The following ZNF140 variants were observed in gnomAD, a reference collection of about 807,000 sequenced individuals.
ZNF140 encodes zinc finger protein 140.
Under a neutral mutation model 12.9 loss-of-function variants are expected in ZNF140, and 13 were observed. The observed-to-expected ratio is 1.01, with a 90% CI of 0.66 to 1.60. ZNF140 has a LOEUF of 1.60. Among genes scored for constraint, ZNF140 ranks in the 40% most tolerant of loss-of-function variants. The probability of loss-of-function intolerance (pLI) is 0.00; values close to 1 mark genes in which losing one functional copy is unlikely to be tolerated. For missense variants in ZNF140, 531 were observed against 548.8 expected (o/e 0.97, Z 0.32); for synonymous variants, 214 against 186.7 (o/e 1.15, Z -1.19).
chr12:133,083,105 G>A lies in ZNF140; in HGVS notation c.12G>A (p.Gly4=). Residue 4 remains glycine, a splice_region_variant and synonymous_variant, in exon 3 of 5, where the codon GGG becomes GGA. Transcript: ENST00000355557. ...CAAATATCTGTCCGTCATTTCAGGG[G>A]TCAGTGACATTCAGAGATGTGGCCA... MSQ[G]SVTFRDVAID... The A allele has an allele frequency of 6.2e-7, 1 of 1,614,200 alleles. No individual in the cohort carries two copies. Among genetic ancestry groups the A allele is most frequent in the Non-Finnish European group, 8.5e-7 (1 of 1,180,036 alleles).
chr12:133,090,752 T>C (rs931354068), intron 4 of ZNF140, among the ~76,000 whole-genome samples: 19 of 146,416 alleles, frequency 1.3e-4, no homozygotes, highest in Middle Eastern at 3.4e-3. Context: ...AGGAATGTAG[T>C]AGGAGAGCAG....
rs1954493991 is a variant in ZNF140 at position 133,081,376 on chromosome 12, TTTA to T, written c.9+50_9+52del. 2.6e-5 allele frequency: 7 copies of T among 266,300 alleles called. 1 individual carries two copies. The South Asian group carries it at 4.3e-4, about 16-fold the overall frequency. The allele number at this position is 266,300 out of a possible 1,614,324, so 16.5% of individuals were successfully genotyped here. On this transcript the variant is annotated intron_variant, in intron 2 of 4. Coordinates refer to ENST00000355557, the MANE Select transcript of ZNF140 (RefSeq NM_003440.4). ...ATATATATATATATATATATAAATT[TTTA>T]TTTTTTTTTTAAGAGAGAGACAGGG...
At chr12:133,091,244 A>C (rs1415183283) in intron 4 of ZNF140, among the ~76,000 whole-genome samples, 2 of 148,658 alleles carry the variant, frequency 1.3e-5, no homozygotes, top group Non-Finnish European at 3.0e-5. Context: ...TCTGCAGTGC[A>C]CTGTGCCCTG....
rs1458484374 is a variant in ZNF140, at chr12:133,106,880, T to C, written c.*229T>C. ...TTGCAATAACAAGGTGAAATCAATA[T>C]TGTTGAGAAGATTCTTCCATCTGGT... On this transcript the variant is annotated 3_prime_UTR_variant, in exon 5 of 5. Transcript: ENST00000355557. 2.7e-6 allele frequency: 1 copy of C among 371,448 alleles called. No homozygotes were observed. Among genetic ancestry groups the C allele is most frequent in the Non-Finnish European group, 4.8e-6 (1 of 207,042 alleles). 23.0% of individuals were successfully genotyped at this position (371,448 alleles called of 1,614,324 possible).
chr12:133,081,401 A>C (rs1954497355), intron 2 of ZNF140, 72 bp downstream of exon 2: 1 of 202,888 alleles, frequency 4.9e-6, no homozygotes, highest in Non-Finnish European at 8.9e-6. Context: ...AGAGAGAGAC[A>C]GGGTCTCCTC....
chr12:133,104,369 T>G (rs1267315085), intron 4 of ZNF140, among the ~76,000 whole-genome samples: 6 of 151,728 alleles, frequency 4.0e-5, no homozygotes, highest in Non-Finnish European at 8.8e-5. Context: ...TTTTTTTTTT[T>G]GAGACAGACT....
intron 4 of ZNF140, among the ~76,000 whole-genome samples, chr12:133,085,094 A>AGCTTACT (rs749654829): frequency 9.6e-4 from 146 of 151,454 alleles, no homozygotes; most frequent in Non-Finnish European, 1.6e-3. Flanking sequence ...GCGCGATCTC[A>AGCTTACT]GCTTACTGCA....
Position 133,081,030 on chromosome 12 carries a change from C to T in ZNF140, c.-91C>T, listed in dbSNP as rs1376745096. 5 of 195,154 alleles carry T rather than the reference C, an allele frequency of 2.6e-5. No individual in the cohort carries two copies. The highest frequency in any genetic ancestry group is 7.5e-5 in the South Asian group (1 of 13,266). The allele number at this position is 195,154 out of a possible 1,614,324, so 12.1% of individuals were successfully genotyped here. A position where few individuals can be genotyped will look rare whatever the true frequency, so the allele number is the denominator to read the frequency against. ...GCCCTGGAACGCTACGCCCACCTGGCGGAAAGCACCACGGAAACGCATCCT... is the reference window on the plus strand; with the variant it reads ...GCCCTGGAACGCTACGCCCACCTGGTGGAAAGCACCACGGAAACGCATCCT... On this transcript the variant is annotated 5_prime_UTR_variant, in exon 1 of 5. Transcript: ENST00000355557.
At chr12:133,091,880 T>C (rs1413572248) in intron 4 of ZNF140, among the ~76,000 whole-genome samples, 3 of 151,124 alleles carry the variant, frequency 2.0e-5, no homozygotes, top group Admixed American at 6.6e-5. Flanking sequence ...CGTTTAACCA[T>C]GTCCCAGTGA....
intron 4 of ZNF140, 28 bp downstream of exon 4, chr12:133,083,589 A>AT (rs1195114700): frequency 6.3e-7 from 1 of 1,589,662 alleles, no homozygotes; most frequent in East Asian, 2.2e-5. Context: ...TGATGGGGAA[A>AT]TTTTTTAAAA....
At chr12:133,097,850 T>TGTGTGTGTGTGTGTGTG (rs1491441408) in intron 4 of ZNF140, among the ~76,000 whole-genome samples, 38 of 150,236 alleles carry the variant, frequency 2.5e-4, no homozygotes, top group Non-Finnish European at 3.4e-4. Context: ...TGTGTGTGTG[T>TGTGTGTGTGTGTGTGTG]TTTTGAGATG....
At chr12:133,080,508 T>A (rs1172114617), upstream of ZNF140, 2 of 152,314 alleles carry the variant, frequency 1.3e-5, no homozygotes, top group African/African-American at 4.8e-5. Flanking sequence ...CCGCTAGTTG[T>A]GCGCTTGGCC....
intron 4 of ZNF140, among the ~76,000 whole-genome samples, chr12:133,102,138 C>A (rs904163577): frequency 1.1e-4 from 17 of 152,050 alleles, no homozygotes; most frequent in Admixed American, 6.6e-5. Flanking sequence ...TTAATTAGTT[C>A]TTAATTTTTT....
intron 1 of ZNF140, 56 bp downstream of exon 1, chr12:133,081,128 G>A (rs1470449731): frequency 1.0e-5 from 3 of 298,768 alleles, no homozygotes; most frequent in Non-Finnish European, 1.3e-5. Context: ...GGCGCCAGTG[G>A]TCCAAGCGCG....
intron 4 of ZNF140, 67 bp downstream of exon 4, chr12:133,083,628 AC>A: frequency 7.0e-7 from 1 of 1,433,728 alleles, no homozygotes; most frequent in African/African-American, 1.4e-5. Context: ...AAAAAGGAAT[AC>A]TTTTTAATAT....
chr12:133,095,769 A>G (rs112656801), intron 4 of ZNF140, among the ~76,000 whole-genome samples: 15,300 of 142,942 alleles, frequency 0.11, 155 homozygotes, highest in Non-Finnish European at 0.13. Flanking sequence ...GGTTTAAGGG[A>G]AGGTACTATG....
Position 133,105,565 on chromosome 12 carries a change from T to A in ZNF140, c.288T>A (p.Asp96Glu). 2 of 1,613,490 alleles carry A rather than the reference T, an allele frequency of 1.2e-6. No homozygotes were observed. The highest frequency in any genetic ancestry group is 2.2e-5 in the South Asian group (2 of 90,880). Reference protein sequence around the residue: ...KDFSPKNVIYDDSSQYLIMER... With the variant: ...KDFSPKNVIYEDSSQYLIMER... ...TTTCACCAAAAAATGTCATTTATGATGACTCATCCCAGTATTTGATCATGG... is the reference window on the plus strand; with the variant it reads ...TTTCACCAAAAAATGTCATTTATGAAGACTCATCCCAGTATTTGATCATGG... The change falls in exon 5 of 5, where the codon GAT (aspartate) becomes GAA (glutamate). Residue 96 changes from aspartate to glutamate, a missense_variant. Physicochemically the swap from Asp to Glu is conservative, Grantham distance 45 (BLOSUM62 2). Transcript: ENST00000355557.
At position 133,106,569 on chromosome 12, in the gene ZNF140, A is replaced by G; in HGVS notation, c.1292A>G (p.His431Arg). Residue 431 changes from histidine (H) to arginine (R), a missense_variant, in exon 5 of 5, where the codon CAT becomes CGT. Coordinates refer to ENST00000355557, the MANE Select transcript of ZNF140 (RefSeq NM_003440.4). Reference sequence around the variant, plus strand: ...AGCTGGAGCTCAAACCTTGCTAAACATCAGAGGACACACACTCTTGACAAC... The same window carrying G: ...AGCTGGAGCTCAAACCTTGCTAAACGTCAGAGGACACACACTCTTGACAAC... ...SFSWSSNLAK[H>R]QRTHTLDNPY... 1 of 1,613,876 alleles carries G rather than the reference A, an allele frequency of 6.2e-7. No individual in the cohort carries two copies.
At position 133,088,238 on chromosome 12, in the gene ZNF140, T is replaced by G. The variant is rs907028735; in HGVS notation, c.232+4677T>G. Among the ~76,000 whole-genome samples, 3 of 152,314 alleles carry G rather than the reference T, an allele frequency of 2.0e-5. No homozygotes were observed. The South Asian group carries it at 6.2e-4, about 32-fold the overall frequency. On this transcript the variant is annotated intron_variant, in intron 4 of 4. Transcript: ENST00000355557. ...TACCATTATTGTTTATAGAATAATT[T>G]CACTGCACTAAAAATTCTCTGTGTT...
Sources: gnomAD v4.1 joint callset for allele counts (sites outside exome capture counted in the v4.1 genomes callset) on GRCh38, gnomAD v4.1.1 for gene constraint, MANE v1.5 for transcripts, NCBI Gene and HGNC (gene_info 2026-07-23, HGNC 2026-07-21) for gene names.